The following RAB27B variants were observed in gnomAD, a reference collection of about 807,000 sequenced individuals.
RAB27B encodes ras-related protein Rab-27B.
In RAB27B, 15 loss-of-function variants were observed where a neutral mutation model predicts 24.6. The ratio of observed to expected loss-of-function variants is 0.61; its 90% CI spans 0.41 to 0.94. The LOEUF (loss-of-function observed/expected upper bound fraction) is 0.94. Ranked by LOEUF, RAB27B falls within the 40% of genes least tolerant of loss-of-function variation. The pLI is 0.00. For synonymous variants in RAB27B, 105 were observed against 92.5 expected (o/e 1.14, Z -0.78); for missense variants, 261 against 266.8 (o/e 0.98, Z 0.15).
intron 2 of RAB27B, among the ~76,000 whole-genome samples, chr18:54,732,080 T>G (rs1470148331): frequency 5.3e-5 from 8 of 152,186 alleles, no homozygotes. Context: ...GAATGACCAT[T>G]TTTTATGTCT....
At chr18:54,733,653 C>CCA (rs944359402) in intron 2 of RAB27B, among the ~76,000 whole-genome samples, 1 of 122,512 alleles carries the variant, frequency 8.2e-6, no homozygotes, top group Non-Finnish European at 1.8e-5. Flanking sequence ...TTCTAGAGCC[C>CCA]CCCCCCCCCA....
chr18:54,733,658 C>CCG (rs1555651347), intron 2 of RAB27B, among the ~76,000 whole-genome samples: 2 of 137,114 alleles, frequency 1.5e-5, no homozygotes, highest in African/African-American at 2.6e-5. Context: ...GAGCCCCCCC[C>CCG]CCCCAAATTT....
intron 2 of RAB27B, among the ~76,000 whole-genome samples, chr18:54,771,922 A>G (rs1318385993): frequency 6.6e-6 from 1 of 152,232 alleles, no homozygotes; most frequent in Non-Finnish European, 1.5e-5. Flanking sequence ...TCACTACTTT[A>G]GGCAGTTAAG....
rs895962010 is a variant in RAB27B at position 54,815,963 on chromosome 18, C to A, written c.-19-61604C>A. Among the ~76,000 whole-genome samples the A allele has an allele frequency of 2.6e-5, 4 of 152,140 alleles. No homozygotes were observed. In the East Asian group the frequency reaches 7.7e-4, roughly 29 times the overall value. ...TAAATTACCAGCTAAATAAATCTTT[C>A]TTTAAGTACCAAAATATTTTTGTTT... On this transcript the variant is annotated intron_variant, in intron 2 of 4. Transcript: ENST00000586570.
intron 1 of RAB27B, among the ~76,000 whole-genome samples, chr18:54,847,408 T>C (rs1433917332): frequency 6.6e-6 from 1 of 152,228 alleles, no homozygotes; most frequent in Admixed American, 6.5e-5. Context: ...GACATCTGCA[T>C]TTGCCTACAA....
At chr18:54,779,317 A>G (rs995479813) in intron 2 of RAB27B, among the ~76,000 whole-genome samples, 2 of 152,204 alleles carry the variant, frequency 1.3e-5, no homozygotes, top group African/African-American at 2.4e-5. Flanking sequence ...CCATTTCCAC[A>G]TATTACATTA....
intron 2 of RAB27B, among the ~76,000 whole-genome samples, chr18:54,750,741 T>C (rs1195172483): frequency 1.3e-5 from 2 of 152,152 alleles, no homozygotes; most frequent in Non-Finnish European, 2.9e-5. Flanking sequence ...TTAATTATAA[T>C]ACCATGTTAT....
At chr18:54,728,880 AAAAAAAAAAAAAAAAAAAAACCC>A (rs1229031303) in intron 2 of RAB27B, among the ~76,000 whole-genome samples, 96 of 92,436 alleles carry the variant, frequency 1.0e-3, no homozygotes, top group Non-Finnish European at 1.8e-3. Flanking sequence ...TGTCTCAAAA[AAAAAAAAAAAAAAAAAAAAACCC>A]AAAAAAAAAA....
chr18:54,812,522 C>T (rs574628846), intron 2 of RAB27B, among the ~76,000 whole-genome samples: 1 of 149,428 alleles, frequency 6.7e-6, no homozygotes, highest in Non-Finnish European at 1.5e-5. Flanking sequence ...CAGAATTTCC[C>T]AAAGAAGTCT....
At chr18:54,722,823 T>C (rs1909402782) in intron 2 of RAB27B, among the ~76,000 whole-genome samples, 1 of 152,218 alleles carries the variant, frequency 6.6e-6, no homozygotes, top group African/African-American at 2.4e-5. Context: ...CTATTGTTCT[T>C]GACACTACAG....
chr18:54,835,225 C>T (rs1158470525), intron 1 of RAB27B, among the ~76,000 whole-genome samples: 1 of 151,842 alleles, frequency 6.6e-6, no homozygotes, highest in African/African-American at 2.4e-5. Flanking sequence ...AAAGTAGACA[C>T]GTTTTCTAAT....
At chr18:54,849,970 G>A (rs1911494421) in intron 1 of RAB27B, among the ~76,000 whole-genome samples, 1 of 151,956 alleles carries the variant, frequency 6.6e-6, no homozygotes, top group Non-Finnish European at 1.5e-5. Context: ...GCTCGAGTTA[G>A]AAACTTAATC....
chr18:54,806,193 A>G (rs1219814176), intron 2 of RAB27B, among the ~76,000 whole-genome samples: 4 of 152,052 alleles, frequency 2.6e-5, no homozygotes, highest in Non-Finnish European at 2.9e-5. Context: ...AAATATGTTG[A>G]CAGCCAGCAC....
At chr18:54,882,956 T>C (rs137860184) in intron 3 of RAB27B, among the ~76,000 whole-genome samples, 3 of 152,226 alleles carry the variant, frequency 2.0e-5, no homozygotes, top group African/African-American at 7.2e-5. Context: ...CAGAAAGCTG[T>C]TGAAGTTGTC....
At chr18:54,887,341 C>A (rs1200417151) in intron 4 of RAB27B, among the ~76,000 whole-genome samples, 7 of 151,856 alleles carry the variant, frequency 4.6e-5, no homozygotes. Flanking sequence ...ATGGCCATCT[C>A]AGGGAGCATT....
At chr18:54,798,274 A>G (rs930078650) in intron 2 of RAB27B, among the ~76,000 whole-genome samples, 4 of 152,242 alleles carry the variant, frequency 2.6e-5, no homozygotes, top group African/African-American at 9.6e-5. Context: ...AGAAGCCAAC[A>G]GGAGACCCTG....
intron 2 of RAB27B, among the ~76,000 whole-genome samples, chr18:54,725,116 G>C (rs1909489430): frequency 6.6e-6 from 1 of 151,336 alleles, no homozygotes; most frequent in Non-Finnish European, 1.5e-5. Flanking sequence ...TATGGTTTGA[G>C]GAATCAGATA....
chr18:54,785,533 C>G lies in RAB27B; in HGVS notation c.-20+67392C>G, dbSNP rs557983424. Among the ~76,000 whole-genome samples, 4 of 149,556 alleles carry G rather than the reference C, an allele frequency of 2.7e-5. No homozygotes were observed. The South Asian group carries it at 8.5e-4, about 32-fold the overall frequency. Reference sequence around the variant, plus strand: ...AATTGATTCCCCCATACTGACTATCCCCCTCCTTCTTATATTTCCCTCAGT... The same window carrying G: ...AATTGATTCCCCCATACTGACTATCGCCCTCCTTCTTATATTTCCCTCAGT... On this transcript the variant is annotated intron_variant, in intron 2 of 4. Transcript: ENST00000586570.
intron 2 of RAB27B, among the ~76,000 whole-genome samples, chr18:54,820,102 C>G (rs986236006): frequency 2.0e-5 from 3 of 152,128 alleles, no homozygotes; most frequent in African/African-American, 7.2e-5. Context: ...GTCTTTATAG[C>G]AGCACGATTT....
Sources: allele counts gnomAD v4.1 joint callset (sites outside exome capture counted in the v4.1 genomes callset), GRCh38; gene constraint gnomAD v4.1.1; transcripts MANE v1.5; gene names NCBI Gene and HGNC (gene_info 2026-07-23, HGNC 2026-07-21).